USP34: variants seen among roughly 807,000 people sequenced by gnomAD.
USP34 encodes the protein ubiquitin specific peptidase 34.
In USP34, 70 loss-of-function variants were observed where a neutral mutation model predicts 460.3. The ratio of observed to expected loss-of-function variants is 0.15; its 90% CI spans 0.13 to 0.19. USP34 has a LOEUF of 0.19. Ranked by LOEUF, USP34 falls within the 10% of genes least tolerant of loss-of-function variation. The pLI, the probability that USP34 is intolerant of heterozygous loss-of-function variation, is 1.00. For synonymous variants in USP34, 1,647 were observed against 1,405.3 expected (o/e 1.17, Z -3.85); for missense variants, 3,985 against 4,236.2 (o/e 0.94, Z 1.65).
At chr2:61,367,344 A>C (rs901930192) in intron 10 of USP34, among the ~76,000 whole-genome samples, 4 of 152,278 alleles carry the variant, frequency 2.6e-5, no homozygotes, top group African/African-American at 9.6e-5. Context: ...ACACAAATGC[A>C]ATTTGCCAGG....
intron 5 of USP34, among the ~76,000 whole-genome samples, chr2:61,384,148 T>C (rs1693063381): frequency 6.6e-6 from 1 of 152,194 alleles, no homozygotes; most frequent in Non-Finnish European, 1.5e-5. Flanking sequence ...TATCAACAAG[T>C]ACTTACTAAG....
intron 23 of USP34, among the ~76,000 whole-genome samples, chr2:61,315,399 GTC>G (rs1690712876): frequency 1.3e-5 from 2 of 150,098 alleles, no homozygotes; most frequent in Admixed American, 1.3e-4. Flanking sequence ...TGAGAACAGA[GTC>G]TCACTCACTT....
At chr2:61,356,154 A>G (rs1692095016) in intron 10 of USP34, among the ~76,000 whole-genome samples, 2 of 150,718 alleles carry the variant, frequency 1.3e-5, no homozygotes, top group Admixed American at 1.3e-4. Flanking sequence ...AGCAGCCCAA[A>G]TGTCCATCAA....
At chr2:61,326,326 G>C (rs1450631043) in intron 20 of USP34, among the ~76,000 whole-genome samples, 1 of 152,136 alleles carries the variant, frequency 6.6e-6, no homozygotes, top group Non-Finnish European at 1.5e-5. Context: ...TCGTGCCTTA[G>C]CCTCCGGAGT....
chr2:61,196,416 G>A (rs988178489), intron 75 of USP34, among the ~76,000 whole-genome samples: 2 of 151,878 alleles, frequency 1.3e-5, no homozygotes, highest in African/African-American at 4.8e-5. Flanking sequence ...GTAGAGACGA[G>A]ATTTCACCAA....
At chr2:61,211,614 A>G (rs1340791111) in intron 69 of USP34, among the ~76,000 whole-genome samples, 158 bp downstream of exon 69, 1 of 152,214 alleles carries the variant, frequency 6.6e-6, no homozygotes, top group African/African-American at 2.4e-5. Context: ...AAGCCAGACC[A>G]AAAACTGTTT....
At chr2:61,436,103 T>C (rs751150332) in intron 1 of USP34, among the ~76,000 whole-genome samples, 42 of 152,104 alleles carry the variant, frequency 2.8e-4, no homozygotes, top group Non-Finnish European at 5.7e-4. Flanking sequence ...GTCAACAAGA[T>C]ACTAACTTCA....
intron 18 of USP34, among the ~76,000 whole-genome samples, chr2:61,334,781 C>T (rs1691368051): frequency 6.6e-6 from 1 of 152,030 alleles, no homozygotes; most frequent in Non-Finnish European, 1.5e-5. Flanking sequence ...AAGACACAAA[C>T]CAAAAGTAGG....
intron 3 of USP34, among the ~76,000 whole-genome samples, chr2:61,398,067 C>A (rs1693591672): frequency 6.6e-6 from 1 of 151,600 alleles, no homozygotes; most frequent in African/African-American, 2.4e-5. Flanking sequence ...CGAGACTCCG[C>A]CTCCAAAAAA....
At position 61,339,482 on chromosome 2, in the gene USP34, T is replaced by TA; in HGVS notation, c.2617-5dup. On this transcript the variant is annotated splice_region_variant and splice_polypyrimidine_tract_variant and intron_variant, in intron 17 of 79. Transcript: ENST00000398571. ...TTAATCCTTCAGAAAGATTAACCTATAAAAAATGTATATAAAATTACTATT... is the reference window on the plus strand; with the variant it reads ...TTAATCCTTCAGAAAGATTAACCTATAAAAAAATGTATATAAAATTACTATT... 13 of 1,565,142 alleles carry TA rather than the reference T, an allele frequency of 8.3e-6. No individual in the cohort carries two copies. The highest frequency in any genetic ancestry group is 1.0e-5 in the Non-Finnish European group (12 of 1,158,164).
chr2:61,423,400 T>C (rs1389369777), intron 1 of USP34, among the ~76,000 whole-genome samples: 1 of 151,996 alleles, frequency 6.6e-6, no homozygotes, highest in Non-Finnish European at 1.5e-5. Context: ...GTCAGATGCA[T>C]TTCTAATACA....
At chr2:61,454,867 TTTC>T (rs772937754) in intron 1 of USP34, among the ~76,000 whole-genome samples, 15,855 of 106,604 alleles carry the variant, frequency 0.15, 1,001 homozygotes, top group Middle Eastern at 0.21. Context: ...GGGTTTTTTT[TTTC>T]TTTTTTTTTT....
chr2:61,387,629 T>G (rs779293351), intron 5 of USP34, among the ~76,000 whole-genome samples: 1 of 147,248 alleles, frequency 6.8e-6, no homozygotes, highest in Non-Finnish European at 1.5e-5. Flanking sequence ...TATTTTTACA[T>G]ATACACACAT....
intron 41 of USP34, among the ~76,000 whole-genome samples, chr2:61,267,326 G>C (rs1689079579): frequency 6.6e-6 from 1 of 152,066 alleles, no homozygotes; most frequent in Non-Finnish European, 1.5e-5. Flanking sequence ...AGAAATTTTT[G>C]AAATGTTTTT....
intron 67 of USP34, among the ~76,000 whole-genome samples, chr2:61,218,600 C>G (rs1017190597): frequency 5.3e-5 from 8 of 151,768 alleles, no homozygotes. Context: ...AGGATCCCAT[C>G]TAGTATACAT....
chr2:61,421,481 C>T (rs1694354512), intron 1 of USP34, among the ~76,000 whole-genome samples: 1 of 152,168 alleles, frequency 6.6e-6, no homozygotes, highest in African/African-American at 2.4e-5. Flanking sequence ...ATTTTAATGG[C>T]TTTTACCTTC....
intron 74 of USP34, among the ~76,000 whole-genome samples, chr2:61,203,532 T>TA (rs1687032139): frequency 6.6e-6 from 1 of 152,164 alleles, no homozygotes; most frequent in African/African-American, 2.4e-5. Context: ...TGTGACACTT[T>TA]AGCTCTACAG....
intron 31 of USP34, 38 bp from the exon 32 acceptor site, chr2:61,295,070 A>G (rs748473974): frequency 6.2e-7 from 1 of 1,603,652 alleles, no homozygotes; most frequent in South Asian, 1.1e-5. Flanking sequence ...AGAATGGCGG[A>G]AGAAAGAATT....
chr2:61,303,613 T>G (rs1017011808), intron 27 of USP34, among the ~76,000 whole-genome samples: 7 of 152,086 alleles, frequency 4.6e-5, no homozygotes, highest in African/African-American at 1.7e-4. Flanking sequence ...TTTTTTTTTT[T>G]TGAGACAGAG....
Sources: gnomAD v4.1 joint callset for allele counts (sites outside exome capture counted in the v4.1 genomes callset) on GRCh38, gnomAD v4.1.1 for gene constraint, MANE v1.5 for transcripts, NCBI Gene and HGNC (gene_info 2026-07-23, HGNC 2026-07-21) for gene names.